BMPER: variants seen among roughly 807,000 people sequenced by gnomAD.
BMPER encodes BMP binding endothelial regulator, also known as BMP-binding endothelial regulator protein.
A neutral mutation model predicts 87.3 loss-of-function variants in BMPER; 45 were observed. The observed-to-expected ratio is 0.52, with a 90% CI of 0.41 to 0.66. The LOEUF (loss-of-function observed/expected upper bound fraction) is 0.66, where lower values mean the gene tolerates loss of function less well. BMPER is among the 30% of genes least tolerant of loss of function. The pLI is 0.00. For missense variants in BMPER, 784 were observed against 867.5 expected (o/e 0.90, Z 1.21); for synonymous variants, 326 against 316.2 (o/e 1.03, Z -0.33).
intron 6 of BMPER, among the ~76,000 whole-genome samples, chr7:34,004,258 T>G (rs1254880169): frequency 1.3e-5 from 2 of 152,136 alleles, no homozygotes; most frequent in Non-Finnish European, 2.9e-5. Context: ...TTTGATGCTT[T>G]TTTATTGGTA....
chr7:34,077,346 A>G (rs965479230), intron 11 of BMPER, among the ~76,000 whole-genome samples: 2 of 152,104 alleles, frequency 1.3e-5, no homozygotes, highest in African/African-American at 4.8e-5. Context: ...ACCGTGTAAA[A>G]TTGGAGTCAG....
intron 2 of BMPER, among the ~76,000 whole-genome samples, chr7:33,909,812 C>A (rs1783914733): frequency 6.6e-6 from 1 of 152,084 alleles, no homozygotes; most frequent in Non-Finnish European, 1.5e-5. Context: ...TTAAAAAACC[C>A]CACAAAAATC....
At chr7:33,917,033 T>C (rs2128603284) in intron 2 of BMPER, among the ~76,000 whole-genome samples, 1 of 152,362 alleles carries the variant, frequency 6.6e-6, no homozygotes, top group South Asian at 2.1e-4. Context: ...TATTGATATT[T>C]ACATCTGCTC....
At chr7:33,917,376 A>C (rs1405876716) in intron 2 of BMPER, among the ~76,000 whole-genome samples, 1 of 152,110 alleles carries the variant, frequency 6.6e-6, no homozygotes, top group East Asian at 1.9e-4. Flanking sequence ...TTGTATGTAC[A>C]TGTCGTGTAG....
intron 3 of BMPER, among the ~76,000 whole-genome samples, chr7:33,944,926 A>G (rs1784849141): frequency 6.6e-6 from 1 of 152,176 alleles, no homozygotes; most frequent in South Asian, 2.1e-4. Context: ...AGCTCCTCAG[A>G]GATAACATTA....
chr7:34,108,214 C>T (rs568798322), intron 13 of BMPER, among the ~76,000 whole-genome samples: 12 of 152,224 alleles, frequency 7.9e-5, no homozygotes, highest in African/African-American at 2.6e-4. Flanking sequence ...GTTTGTCTTT[C>T]GATATACTGA....
Position 33,905,715 on chromosome 7 carries a change from C to G in BMPER, c.102C>G (p.Val34=). Residue 34 remains valine (V), a synonymous_variant, in exon 1 of 15, where the codon GTC becomes GTG. Coordinates refer to ENST00000649409, the MANE Select transcript of BMPER (RefSeq NM_001365308.1). ...CVLLLLNCSG[V]PMSLASSFLT... ...TGCTGCTACTCAATTGCTCGGGGGT[C>G]CCCATGTCTCTGGCTTCCTCCTTCT... is the stretch of plus-strand genomic sequence containing the variant. 1 of 1,613,314 alleles carries G rather than the reference C, an allele frequency of 6.2e-7. No individual in the cohort carries two copies. The highest frequency in any genetic ancestry group is 1.6e-4 in the Middle Eastern group (1 of 6,062).
Position 34,055,156 on chromosome 7 carries a change from C to T in BMPER, c.787-7C>T, listed in dbSNP as rs775187113. ...TTTTAATTTCTATTTTGCCTTTGGG[C>T]CCCCAGGACTCTACTGTGGTTTGCA... On this transcript the variant is annotated splice_region_variant and splice_polypyrimidine_tract_variant and intron_variant, in intron 8 of 14. Transcript: ENST00000649409. 1.2e-6 allele frequency: 2 copies of T among 1,614,056 alleles called. No individual in the cohort carries two copies. The highest frequency in any genetic ancestry group is 1.7e-5 in the Admixed American group (1 of 60,026).
At chr7:33,918,643 C>T (rs1264114398) in intron 2 of BMPER, among the ~76,000 whole-genome samples, 1 of 152,230 alleles carries the variant, frequency 6.6e-6, no homozygotes, top group Non-Finnish European at 1.5e-5. Flanking sequence ...TATTCTCTCA[C>T]TTGGGAGCCG....
intron 3 of BMPER, among the ~76,000 whole-genome samples, chr7:33,965,968 G>T (rs1323206606): frequency 6.6e-6 from 1 of 152,166 alleles, no homozygotes; most frequent in Non-Finnish European, 1.5e-5. Context: ...TGGAGGTAAG[G>T]GTTGGAAGGT....
At chr7:33,978,855 A>G (rs1785762956) in intron 6 of BMPER, among the ~76,000 whole-genome samples, 1 of 152,232 alleles carries the variant, frequency 6.6e-6, no homozygotes, top group Non-Finnish European at 1.5e-5. Flanking sequence ...ATAATAAACT[A>G]TTGAATAGCT....
chr7:34,138,635 CT>C (rs1790785252), intron 13 of BMPER, among the ~76,000 whole-genome samples: 1 of 152,198 alleles, frequency 6.6e-6, no homozygotes, highest in South Asian at 2.1e-4. Flanking sequence ...TTTGAAGCTC[CT>C]GTGACAGACA....
At chr7:33,967,763 T>G (rs2128617966) in intron 4 of BMPER, among the ~76,000 whole-genome samples, 1 of 152,296 alleles carries the variant, frequency 6.6e-6, no homozygotes, top group South Asian at 2.1e-4. Flanking sequence ...ACCAGCAAAA[T>G]TTCCACTCTT....
intron 8 of BMPER, among the ~76,000 whole-genome samples, chr7:34,054,297 C>T (rs529667371): frequency 6.6e-6 from 1 of 152,276 alleles, no homozygotes; most frequent in South Asian, 2.1e-4. Flanking sequence ...CACATACACA[C>T]ACATACACAA....
At chr7:34,093,142 T>A (rs1423405534) in intron 13 of BMPER, among the ~76,000 whole-genome samples, 2 of 152,178 alleles carry the variant, frequency 1.3e-5, no homozygotes, top group Non-Finnish European at 2.9e-5. Flanking sequence ...GAAAAGGATA[T>A]AGATCAAAAT....
intron 11 of BMPER, among the ~76,000 whole-genome samples, chr7:34,069,061 T>C (rs546024015): frequency 6.6e-6 from 1 of 152,334 alleles, no homozygotes; most frequent in South Asian, 2.1e-4. Context: ...GCATTTTATA[T>C]AGAAAAAGAT....
chr7:34,091,665 A>G (rs1271173027), intron 13 of BMPER, among the ~76,000 whole-genome samples: 1 of 152,148 alleles, frequency 6.6e-6, no homozygotes, highest in Non-Finnish European at 1.5e-5. Context: ...CACTTTCTAC[A>G]TTGATTTAAC....
intron 2 of BMPER, among the ~76,000 whole-genome samples, chr7:33,920,105 G>A (rs1243944560): frequency 2.0e-5 from 3 of 152,160 alleles, no homozygotes; most frequent in Non-Finnish European, 4.4e-5. Context: ...GAACACTAGT[G>A]ACAAGGGGCA....
At chr7:34,122,000 G>C (rs572905717) in intron 13 of BMPER, among the ~76,000 whole-genome samples, 1 of 151,060 alleles carries the variant, frequency 6.6e-6, no homozygotes, top group Non-Finnish European at 1.5e-5. Context: ...GTACATGCCT[G>C]TGGTCCCAGC....
Sources: allele counts gnomAD v4.1 joint callset (sites outside exome capture counted in the v4.1 genomes callset), GRCh38; gene constraint gnomAD v4.1.1; transcripts MANE v1.5; gene names NCBI Gene and HGNC (gene_info 2026-07-23, HGNC 2026-07-21).